The following CHL1 variants were observed in gnomAD, a reference collection of about 807,000 sequenced individuals.
CHL1 encodes the protein cell adhesion molecule L1 like.
Under a neutral mutation model 141.9 loss-of-function variants are expected in CHL1, and 96 were observed. That is an observed-to-expected ratio of 0.68 (90% CI 0.57 to 0.80). CHL1 has a LOEUF of 0.80. Ranked by LOEUF, CHL1 falls within the 30% of genes least tolerant of loss-of-function variation. CHL1 has a pLI of 0.00. For synonymous variants in CHL1, 613 were observed against 502.2 expected, an observed-to-expected ratio of 1.22 and a Z score of -2.95; for missense variants, 1,820 against 1,457.2, an observed-to-expected ratio of 1.25 and a Z score of -4.05.
intron 2 of CHL1, chr3:309,415 CTTTT>C (rs2124969250): frequency 6.6e-6 from 1 of 150,496 alleles, no homozygotes; most frequent in African/African-American, 2.4e-5. Flanking sequence ...TGCTTTCTCT[CTTTT>C]CTTCCTCTTT....
intron 2 of CHL1, among the ~76,000 whole-genome samples, chr3:309,507 TCTTC>T (rs1225414717): frequency 2.0e-5 from 3 of 150,966 alleles, no homozygotes; most frequent in Non-Finnish European, 3.0e-5. Flanking sequence ...TTCTCCTTCC[TCTTC>T]CTTCCTTCTT....
intron 13 of CHL1, among the ~76,000 whole-genome samples, chr3:362,651 G>T (rs4685627): frequency 6.6e-6 from 1 of 151,590 alleles, no homozygotes; most frequent in Non-Finnish European, 1.5e-5. Flanking sequence ...TCAAGCAGTC[G>T]CTTATTGTCA....
intron 2 of CHL1, among the ~76,000 whole-genome samples, chr3:279,198 T>C (rs1466497521): frequency 6.6e-6 from 1 of 152,252 alleles, no homozygotes; most frequent in Non-Finnish European, 1.5e-5. Flanking sequence ...TATGGCTTTC[T>C]ACCTCAGAGA....
intron 1 of CHL1, among the ~76,000 whole-genome samples, chr3:208,468 G>C (rs974494777): frequency 1.4e-5 from 2 of 147,930 alleles, no homozygotes; most frequent in Non-Finnish European, 2.9e-5. Flanking sequence ...TGGGTTGTTT[G>C]ATTGTCTCGG....
chr3:287,357 T>C (rs550107598), intron 2 of CHL1, among the ~76,000 whole-genome samples: 1 of 152,286 alleles, frequency 6.6e-6, no homozygotes, highest in African/African-American at 2.4e-5. Context: ...ATATTGAATG[T>C]TGAAGAACTT....
chr3:275,966 A>G (rs980701617), intron 2 of CHL1, among the ~76,000 whole-genome samples: 1 of 152,066 alleles, frequency 6.6e-6, no homozygotes, highest in African/African-American at 2.4e-5. Context: ...AACCCTTTTA[A>G]CATATGAAAA....
At chr3:366,887 C>A (rs922030673) in intron 15 of CHL1, among the ~76,000 whole-genome samples, 1 of 152,182 alleles carries the variant, frequency 6.6e-6, no homozygotes, top group Admixed American at 6.5e-5. Flanking sequence ...CTGTCTGCTC[C>A]CACTGGCCCA....
At chr3:287,336 A>G (rs1574964647) in intron 2 of CHL1, among the ~76,000 whole-genome samples, 3 of 152,178 alleles carry the variant, frequency 2.0e-5, no homozygotes, top group Admixed American at 6.5e-5. Flanking sequence ...GTACATGCAG[A>G]CACTCAATGT....
chr3:354,082 TTCTC>T (rs1055545221), intron 10 of CHL1, among the ~76,000 whole-genome samples: 12 of 152,162 alleles, frequency 7.9e-5, no homozygotes, highest in African/African-American at 2.4e-4. Flanking sequence ...GCTTTTGGGC[TTCTC>T]TCTCTCCCCT....
intron 10 of CHL1, 88 bp downstream of exon 10, chr3:349,631 T>C (rs1703075821): frequency 9.0e-7 from 1 of 1,112,626 alleles, no homozygotes; most frequent in Non-Finnish European, 1.3e-6. Flanking sequence ...TCATACATGT[T>C]AAAACAGGTC....
chr3:305,453 C>G (rs968993772), intron 2 of CHL1, among the ~76,000 whole-genome samples: 4 of 151,894 alleles, frequency 2.6e-5, no homozygotes, highest in Non-Finnish European at 5.9e-5. Context: ...GTGACCTCTG[C>G]CCTATTATAA....
At chr3:235,287 C>G (rs1454107721) in intron 1 of CHL1, among the ~76,000 whole-genome samples, 2 of 151,922 alleles carry the variant, frequency 1.3e-5, no homozygotes, top group Non-Finnish European at 2.9e-5. Context: ...TTATAAAGCT[C>G]CATCCTGGAG....
chr3:337,522 C>T (rs995016775), intron 5 of CHL1, among the ~76,000 whole-genome samples: 1 of 151,264 alleles, frequency 6.6e-6, no homozygotes, highest in Non-Finnish European at 1.5e-5. Context: ...CCCTCTCCCC[C>T]CACCCCACAA....
intron 2 of CHL1, among the ~76,000 whole-genome samples, chr3:262,460 G>A (rs1207195723): frequency 3.0e-5 from 3 of 98,650 alleles, no homozygotes; most frequent in East Asian, 5.7e-4. Context: ...GGATTCACAC[G>A]TTTAAGCCTA....
intron 24 of CHL1, among the ~76,000 whole-genome samples, chr3:396,256 T>C (rs532227672): frequency 1.3e-5 from 2 of 152,172 alleles, no homozygotes; most frequent in Admixed American, 6.5e-5. Context: ...AAGGTTCTTA[T>C]GTCTGAAGCA....
intron 11 of CHL1, among the ~76,000 whole-genome samples, chr3:356,725 G>A (rs937951826): frequency 1.3e-5 from 2 of 152,144 alleles, no homozygotes; most frequent in Admixed American, 6.6e-5. Context: ...GAGGTGTGTT[G>A]AGGAGGAGAA....
intron 1 of CHL1, chr3:197,638 G>C (rs942588390): frequency 1.4e-5 from 5 of 366,232 alleles, no homozygotes; most frequent in Admixed American, 3.6e-5. Flanking sequence ...CCCGGGGGGG[G>C]TTCCGAAAAT....
intron 23 of CHL1, among the ~76,000 whole-genome samples, chr3:393,849 G>T (rs1041696746): frequency 2.0e-5 from 3 of 151,988 alleles, no homozygotes; most frequent in African/African-American, 7.2e-5. Context: ...TCTTTTCATT[G>T]ATTTGAATTG....
At chr3:389,143 A>C in intron 19 of CHL1, 109 bp from the exon 20 acceptor site, 1 of 879,774 alleles carries the variant, frequency 1.1e-6, no homozygotes, top group Non-Finnish European at 1.8e-6. Flanking sequence ...ATCTCTCAAC[A>C]AATGACCATT....
Sources: allele counts gnomAD v4.1 joint callset (sites outside exome capture counted in the v4.1 genomes callset), GRCh38; gene constraint gnomAD v4.1.1; transcripts MANE v1.5; gene names NCBI Gene and HGNC (gene_info 2026-07-23, HGNC 2026-07-21).